The following ZNF679 variants were observed in gnomAD, a reference collection of about 807,000 sequenced individuals.
ZNF679 encodes zinc finger protein 679, also known as hypothetical protein MGC42415.
ZNF679 carries 10 observed loss-of-function variants against 13.4 expected under a neutral mutation model. The observed-to-expected ratio is 0.75, with a 90% CI of 0.46 to 1.27. The LOEUF is 1.27. Among genes scored for constraint, ZNF679 ranks in the 50% most tolerant of loss-of-function variants. ZNF679 has a pLI of 0.00. For synonymous variants in ZNF679, 179 were observed against 162.5 expected (o/e 1.10, Z -0.77); for missense variants, 525 against 477.8 (o/e 1.10, Z -0.92).
rs566033291 is a variant in ZNF679 at position 64,237,635 on chromosome 7, A to G, written c.-91+8983A>G. Among the ~76,000 whole-genome samples the G allele has an allele frequency of 2.0e-5, 3 of 152,128 alleles. No individual in the cohort carries two copies. The East Asian group carries it at 5.8e-4, about 29-fold the overall frequency. On this transcript the variant is annotated intron_variant, in intron 1 of 4. Coordinates refer to ENST00000421025, the MANE Select transcript of ZNF679 (RefSeq NM_153363.3). ...TTCAACACCAACTGGGTGTTCAACA[A>G]CTCAATTCTGACAGAATCAAGAGTC...
intron 1 of ZNF679, among the ~76,000 whole-genome samples, chr7:64,247,047 G>A (rs532304743): frequency 3.9e-5 from 6 of 152,234 alleles, no homozygotes; most frequent in African/African-American, 1.4e-4. Context: ...ATGTTGCCAT[G>A]GCATTCGTTA....
chr7:64,266,649 T>A lies in ZNF679; in HGVS notation c.1016T>A (p.Leu339His). Reference protein sequence around the residue: ...CGKAFNCSSTLKKHKIIHTGE... With the variant: ...CGKAFNCSSTHKKHKIIHTGE... ...AAAGCCTTTAACTGCTCCTCAACCC[T>A]TAAGAAACATAAGATAATTCATACT... is the stretch of plus-strand genomic sequence containing the variant. Residue 339 changes from leucine to histidine, a missense_variant, in exon 5 of 5, where the codon CTT becomes CAT. Coordinates refer to ENST00000421025, the MANE Select transcript of ZNF679 (RefSeq NM_153363.3). 6.2e-7 allele frequency: 1 copy of A among 1,610,518 alleles called. No homozygotes were observed. Among genetic ancestry groups the A allele is most frequent in the Non-Finnish European group, 8.5e-7 (1 of 1,176,986 alleles).
intron 1 of ZNF679, among the ~76,000 whole-genome samples, chr7:64,233,253 C>CAAA (rs71060564): frequency 4.0e-5 from 5 of 126,246 alleles, no homozygotes; most frequent in South Asian, 2.5e-4. Flanking sequence ...AACAAATAAA[C>CAAA]AAAAAAAAAA....
chr7:64,230,808 T>C (rs1010721265), intron 1 of ZNF679, among the ~76,000 whole-genome samples: 15 of 152,192 alleles, frequency 9.9e-5, no homozygotes, highest in African/African-American at 3.1e-4. Context: ...TCAGTGGTGA[T>C]CTGGATTCCT....
intron 4 of ZNF679, among the ~76,000 whole-genome samples, chr7:64,262,225 C>T (rs186431290): frequency 6.7e-4 from 102 of 152,302 alleles, no homozygotes; most frequent in African/African-American, 2.4e-3. Context: ...TATAAATTCT[C>T]AATATTAAGT....
In ZNF679 at chr7:64,254,214, T is replaced by C. The variant is rs190338340; in HGVS notation, c.39+5058T>C. Among the ~76,000 whole-genome samples the C allele has an allele frequency of 3.0e-3, 462 of 152,156 alleles. 1 individual carries two copies. The highest frequency in any genetic ancestry group is 4.3e-3 in the Non-Finnish European group (290 of 67,986). On this transcript the variant is annotated intron_variant, in intron 2 of 4. Coordinates refer to ENST00000421025, the MANE Select transcript of ZNF679 (RefSeq NM_153363.3). ...ATCTCAGCTCACTGCAACCTCCATC[T>C]TTCAGGTTCAAACAATACTCCTGCC...
chr7:64,243,659 G>T (rs1384664692), intron 1 of ZNF679, among the ~76,000 whole-genome samples: 1 of 152,158 alleles, frequency 6.6e-6, no homozygotes, highest in South Asian at 2.1e-4. Flanking sequence ...CCCCAGGAGG[G>T]CAAAGCCCAG....
chr7:64,247,308 T>C (rs752742324), intron 1 of ZNF679, among the ~76,000 whole-genome samples: 22 of 152,156 alleles, frequency 1.4e-4, no homozygotes, highest in Non-Finnish European at 2.9e-4. Context: ...CTCAGCCCCA[T>C]TTCACCCAGC....
chr7:64,239,854 C>T (rs997504235), intron 1 of ZNF679, among the ~76,000 whole-genome samples: 13 of 152,280 alleles, frequency 8.5e-5, no homozygotes, highest in African/African-American at 2.9e-4. Flanking sequence ...ATGTGATTCT[C>T]CTCTCTTGCC....
intron 2 of ZNF679, among the ~76,000 whole-genome samples, chr7:64,258,856 AAAAT>A (rs1403111923): frequency 1.5e-5 from 2 of 134,046 alleles, no homozygotes; most frequent in African/African-American, 2.5e-5. Context: ...GTTCTGAAAA[AAAAT>A]TTTTCTATAT....
rs1186678214 is a variant in ZNF679 at position 64,257,373 on chromosome 7, T to A, written c.40-2848T>A. 5.9e-5 allele frequency among the ~76,000 whole-genome samples: 9 copies of A among 152,350 alleles called. No homozygotes were observed. In the East Asian group the frequency reaches 1.7e-3, roughly 29 times the overall value. ...CCATTTGGAAGTTGATTATTCAATT[T>A]TTATGTGATTGTATCATTTCAGATG... On this transcript the variant is annotated intron_variant, in intron 2 of 4. Transcript: ENST00000421025.
intron 1 of ZNF679, among the ~76,000 whole-genome samples, chr7:64,229,165 A>T (rs373234028): frequency 6.0e-4 from 92 of 152,280 alleles, no homozygotes; most frequent in African/African-American, 2.1e-3. Context: ...GGGCCCAGAA[A>T]TGAGTCAGAA....
At position 64,260,239 on chromosome 7, in the gene ZNF679, G is replaced by A. The variant is rs761762441; in HGVS notation, c.58G>A (p.Asp20Asn). ...TTTTCAGGGACTGTTGACATTCAGAGATGTAGTCATAGAATTCTCTCTGGA... is the reference window on the plus strand; with the variant it reads ...TTTTCAGGGACTGTTGACATTCAGAAATGTAGTCATAGAATTCTCTCTGGA... ...SREMGLLTFR[D>N]VVIEFSLEEW... The change falls in exon 3 of 5, where the codon GAT becomes AAT. Residue 20 changes from aspartate to asparagine, a missense_variant. Physicochemically the swap from Asp to Asn is conservative, Grantham distance 23 (BLOSUM62 1). Coordinates refer to ENST00000421025, the MANE Select transcript of ZNF679 (RefSeq NM_153363.3). 1.2e-6 allele frequency: 2 copies of A among 1,608,302 alleles called. No individual in the cohort carries two copies. The highest frequency in any genetic ancestry group is 1.7e-5 in the Admixed American group (1 of 57,912).
rs1408563353 is a variant in ZNF679, at chr7:64,228,574, A to G, written c.-169A>G. ...CTGTGTGAAAGTATACGCCACAATCACACCTGCGGGAAGGACCAGGAATAA... is the reference window on the plus strand; with the variant it reads ...CTGTGTGAAAGTATACGCCACAATCGCACCTGCGGGAAGGACCAGGAATAA... On this transcript the variant is annotated 5_prime_UTR_variant, in exon 1 of 5. Transcript: ENST00000421025. 1 of 152,234 alleles carries G rather than the reference A, an allele frequency of 6.6e-6. No homozygotes were observed. Among genetic ancestry groups the G allele is most frequent in the Non-Finnish European group, 1.5e-5 (1 of 68,046 alleles). The allele number at this position is 152,234 out of a possible 1,614,324, so 9.4% of individuals were successfully genotyped here. A position where few individuals can be genotyped will look rare whatever the true frequency, so the allele number is the denominator to read the frequency against.
intron 2 of ZNF679, among the ~76,000 whole-genome samples, chr7:64,253,988 A>C (rs1179443331): frequency 6.6e-6 from 1 of 152,222 alleles, no homozygotes; most frequent in Non-Finnish European, 1.5e-5. Context: ...AAATTTGCAG[A>C]GTTTATGTCT....
intron 1 of ZNF679, 50 bp downstream of exon 1, chr7:64,228,702 C>G (rs901391599): frequency 6.6e-6 from 1 of 152,198 alleles, no homozygotes; most frequent in Admixed American, 6.5e-5. Context: ...TGGACAGGAT[C>G]CGTGCACGAG....
At chr7:64,264,833 G>A (rs1348698655) in intron 4 of ZNF679, among the ~76,000 whole-genome samples, 1 of 151,450 alleles carries the variant, frequency 6.6e-6, no homozygotes, top group Non-Finnish European at 1.5e-5. Context: ...TATGTGTTAT[G>A]GATCTTTTTG....
chr7:64,244,745 A>T (rs1787843775), intron 1 of ZNF679, among the ~76,000 whole-genome samples: 1 of 152,212 alleles, frequency 6.6e-6, no homozygotes, highest in Admixed American at 6.5e-5. Flanking sequence ...CCACTGTGAG[A>T]CAGCAAAGCC....
At chr7:64,265,694 A>C (rs1271277256) in intron 4 of ZNF679, among the ~76,000 whole-genome samples, 1 of 152,118 alleles carries the variant, frequency 6.6e-6, no homozygotes, top group Non-Finnish European at 1.5e-5. Context: ...TGGTGCACAC[A>C]CTTTATTTAT....
Sources: allele counts gnomAD v4.1 joint callset (sites outside exome capture counted in the v4.1 genomes callset), GRCh38; gene constraint gnomAD v4.1.1; transcripts MANE v1.5; gene names NCBI Gene and HGNC (gene_info 2026-07-23, HGNC 2026-07-21).